The following NHSL1 variants were observed in gnomAD, a reference collection of about 807,000 sequenced individuals.
The protein encoded by NHSL1 is NHS like 1, also known as NHS-like protein 1.
In NHSL1, 48 loss-of-function variants were observed where a neutral mutation model predicts 95.0. That is an observed-to-expected ratio of 0.51 (90% CI 0.40 to 0.64). The LOEUF (loss-of-function observed/expected upper bound fraction) is 0.64. Ranked by LOEUF, NHSL1 falls within the 30% of genes least tolerant of loss-of-function variation. The probability of loss-of-function intolerance (pLI) is 0.00; values close to 1 mark genes in which losing one functional copy is unlikely to be tolerated. For synonymous variants in NHSL1, 783 were observed against 833.9 expected (o/e 0.94, Z 1.05); for missense variants, 1,971 against 2,077.7 (o/e 0.95, Z 1.00).
intron 1 of NHSL1, among the ~76,000 whole-genome samples, chr6:138,519,289 C>T (rs1220456388): frequency 6.6e-6 from 1 of 151,798 alleles, no homozygotes; most frequent in Non-Finnish European, 1.5e-5. Flanking sequence ...AAAAAAAAAT[C>T]TGCTCTGTCA....
At position 138,592,231 on chromosome 6, in the gene NHSL1, A is replaced by G. The variant is rs150873906; in HGVS notation, c.97-95860T>C. Among the ~76,000 whole-genome samples the G allele has an allele frequency of 2.5e-3, 385 of 152,342 alleles. 1 individual carries two copies. The highest frequency in any genetic ancestry group is 4.0e-3 in the Non-Finnish European group (271 of 68,034). On this transcript the variant is annotated intron_variant, in intron 1 of 3. Transcript: ENST00000491526. ...GTCCCACACCCACATCTCAAGGTCA[A>G]TTTAGCCTGCATGAAAGAAAACAAC...
intron 2 of NHSL1, among the ~76,000 whole-genome samples, chr6:138,480,640 T>C (rs1779363160): frequency 6.6e-6 from 1 of 152,192 alleles, no homozygotes; most frequent in Non-Finnish European, 1.5e-5. Flanking sequence ...AAACTGAATG[T>C]GGTTTATTTT....
At chr6:138,603,220 T>C (rs1784393312) in intron 1 of NHSL1, among the ~76,000 whole-genome samples, 1 of 152,180 alleles carries the variant, frequency 6.6e-6, no homozygotes, top group South Asian at 2.1e-4. Flanking sequence ...TTTTACATTT[T>C]TTTTATTTTT....
intron 1 of NHSL1, among the ~76,000 whole-genome samples, chr6:138,583,878 C>A (rs1334236023): frequency 6.6e-6 from 1 of 152,140 alleles, no homozygotes; most frequent in Non-Finnish European, 1.5e-5. Flanking sequence ...GTGGGAGGAT[C>A]ACTTGAGGCC....
chr6:138,489,502 C>G (rs1328562919), intron 2 of NHSL1, among the ~76,000 whole-genome samples: 4 of 152,092 alleles, frequency 2.6e-5, no homozygotes, highest in African/African-American at 9.7e-5. Flanking sequence ...TGTGGAGGCT[C>G]ACGCCTGTAA....
chr6:138,524,708 G>A (rs946719663), intron 1 of NHSL1, among the ~76,000 whole-genome samples: 1 of 152,024 alleles, frequency 6.6e-6, no homozygotes. Context: ...TCCCAGAAGG[G>A]GAATTTGCTG....
At chr6:138,540,624 T>C (rs1782542547) in intron 1 of NHSL1, among the ~76,000 whole-genome samples, 5 of 152,208 alleles carry the variant, frequency 3.3e-5, no homozygotes, top group Admixed American at 2.6e-4. Flanking sequence ...GGGTGCACGA[T>C]GACGAAGGAT....
intron 1 of NHSL1, among the ~76,000 whole-genome samples, chr6:138,627,292 T>C (rs1184222507): frequency 6.6e-6 from 1 of 152,220 alleles, no homozygotes; most frequent in Non-Finnish European, 1.5e-5. Flanking sequence ...GTTTTAAGGA[T>C]GAATAATTAA....
chr6:138,568,219 C>T (rs963401350), intron 1 of NHSL1, among the ~76,000 whole-genome samples: 1 of 152,194 alleles, frequency 6.6e-6, no homozygotes, highest in Admixed American at 6.5e-5. Context: ...TCTAGGTCAT[C>T]GTGTTGCACT....
At chr6:138,601,817 G>GA (rs71547097) in intron 1 of NHSL1, among the ~76,000 whole-genome samples, 2 of 145,646 alleles carry the variant, frequency 1.4e-5, no homozygotes, top group African/African-American at 2.7e-5. Context: ...TCTCAAAAAA[G>GA]AAAAAAAAAG....
intron 1 of NHSL1, among the ~76,000 whole-genome samples, chr6:138,601,726 C>T (rs1784373393): frequency 6.6e-6 from 1 of 151,970 alleles, no homozygotes; most frequent in South Asian, 2.1e-4. Context: ...GCAGAAGAAT[C>T]GCTTGAACCC....
chr6:138,589,697 CCTT>C (rs1445887144), intron 1 of NHSL1, among the ~76,000 whole-genome samples: 1 of 152,178 alleles, frequency 6.6e-6, no homozygotes, highest in African/African-American at 2.4e-5. Flanking sequence ...TTGGTTTCCT[CCTT>C]TGCATCTTCA....
In NHSL1 at chr6:138,424,210, G is replaced by T; in HGVS notation, c.4692C>A (p.Gly1564=). ...GLAREEMDEG[G]LLCGEGPAAS... is the part of the protein sequence containing the mutation. ...CGGCAGGCCCCTCCCCACAGAGCAG[G>T]CCGCCCTCGTCCATCTCCTCCCTCG... The change falls in exon 8 of 8, where the codon GGC becomes GGA. Residue 1564 remains glycine (G), a synonymous_variant. Coordinates refer to ENST00000343505, the MANE Select transcript of NHSL1 (RefSeq NM_001144060.2). The surrounding 1 kb of genome is among the most constrained non-coding windows in gnomAD (Gnocchi z 5.9). 1 of 1,501,908 alleles carries T rather than the reference G, an allele frequency of 6.7e-7. No individual in the cohort carries two copies. Among genetic ancestry groups the T allele is most frequent in the Non-Finnish European group, 8.9e-7 (1 of 1,128,036 alleles). The allele number at this position is 1,501,908 out of a possible 1,614,324, so 93.0% of individuals were successfully genotyped here.
intron 3 of NHSL1, among the ~76,000 whole-genome samples, chr6:138,467,528 T>C (rs1342858146): frequency 6.6e-6 from 1 of 152,184 alleles, no homozygotes; most frequent in Admixed American, 6.5e-5. Flanking sequence ...GGCCGGTCCT[T>C]CAGAAAATAT....
intron 3 of NHSL1, among the ~76,000 whole-genome samples, chr6:138,457,542 T>C (rs1472083573): frequency 2.0e-5 from 3 of 152,204 alleles, no homozygotes; most frequent in Non-Finnish European, 2.9e-5. Context: ...ACATAATGGA[T>C]TTTTAATATT....
intron 3 of NHSL1, among the ~76,000 whole-genome samples, chr6:138,450,927 T>C (rs774104518): frequency 1.4e-4 from 21 of 152,152 alleles, no homozygotes; most frequent in Non-Finnish European, 5.9e-5. Flanking sequence ...GACATAGTAA[T>C]ACCGGATTAT....
At chr6:138,470,750 A>G (rs899831575) in intron 3 of NHSL1, among the ~76,000 whole-genome samples, 2 of 152,088 alleles carry the variant, frequency 1.3e-5, no homozygotes, top group Non-Finnish European at 2.9e-5. Context: ...ACCCCAGAAA[A>G]TAGCTCTCCT....
chr6:138,663,927 AG>A (rs1438123264), intron 1 of NHSL1, among the ~76,000 whole-genome samples: 2 of 152,232 alleles, frequency 1.3e-5, no homozygotes, highest in Non-Finnish European at 2.9e-5. Flanking sequence ...AGTTAACCAC[AG>A]ATAATGAGGT....
chr6:138,530,007 A>G (rs559608544), intron 1 of NHSL1, among the ~76,000 whole-genome samples: 5 of 152,346 alleles, frequency 3.3e-5, no homozygotes, highest in East Asian at 1.9e-4. Flanking sequence ...CTTTAATTCC[A>G]GAAGACTCAA....
Sources: gnomAD v4.1 joint callset for allele counts (sites outside exome capture counted in the v4.1 genomes callset) on GRCh38, gnomAD v4.1.1 for gene constraint, Gnocchi (gnomAD v3.1) non-coding constraint, MANE v1.5 for transcripts, NCBI Gene and HGNC (gene_info 2026-07-23, HGNC 2026-07-21) for gene names.